Variants in AKAP12 observed in about 807,000 individuals in gnomAD.
AKAP12 encodes A-kinase anchor protein 12.
Under a neutral mutation model 79.9 loss-of-function variants are expected in AKAP12, and 32 were observed. That is an observed-to-expected ratio of 0.40 (90% confidence interval 0.30 to 0.54). AKAP12 has a LOEUF of 0.54. Ranked by LOEUF, AKAP12 falls within the 20% of genes least tolerant of loss-of-function variation. The pLI is 0.48. For missense variants in AKAP12, 2,074 were observed against 2,177.0 expected, an observed-to-expected ratio of 0.95 and a Z score of 0.94; for synonymous variants, 808 against 857.0, an observed-to-expected ratio of 0.94 and a Z score of 1.00.
chr6:151,331,892 A>G (rs1215943781), intron 3 of AKAP12, among the ~76,000 whole-genome samples: 1 of 151,604 alleles, frequency 6.6e-6, no homozygotes, highest in Non-Finnish European at 1.5e-5. Context: ...CTCAAAAAAA[A>G]AAAAAAAAAG....
At chr6:151,266,744 T>C (rs545560719) in intron 2 of AKAP12, among the ~76,000 whole-genome samples, 18 of 152,310 alleles carry the variant, frequency 1.2e-4, no homozygotes, top group Non-Finnish European at 2.1e-4. Flanking sequence ...GAATCATGTA[T>C]GGTACATATA....
chr6:151,259,968 A>G (rs896972556), intron 2 of AKAP12, among the ~76,000 whole-genome samples: 10 of 151,860 alleles, frequency 6.6e-5, no homozygotes, highest in African/African-American at 2.2e-4. Context: ...GGATGAGCCA[A>G]TTTGGGGCAT....
At chr6:151,269,184 A>T (rs1718503434) in intron 2 of AKAP12, among the ~76,000 whole-genome samples, 1 of 151,908 alleles carries the variant, frequency 6.6e-6, no homozygotes, top group African/African-American at 2.4e-5. Flanking sequence ...TAAAATTTTG[A>T]GGCAGGTCTT....
intron 2 of AKAP12, among the ~76,000 whole-genome samples, chr6:151,292,867 G>A (rs964790457): frequency 4.6e-5 from 7 of 152,170 alleles, no homozygotes; most frequent in East Asian, 1.9e-4. Flanking sequence ...CCTCTTGCCC[G>A]TCTCTGCCTT....
intron 2 of AKAP12, among the ~76,000 whole-genome samples, chr6:151,292,916 C>A (rs1185421757): frequency 6.6e-6 from 1 of 152,186 alleles, no homozygotes; most frequent in Middle Eastern, 3.2e-3. Flanking sequence ...AGTGTTTAGC[C>A]ACTACGTATT....
chr6:151,327,938 G>A (rs1777568977), intron 3 of AKAP12, among the ~76,000 whole-genome samples: 1 of 152,174 alleles, frequency 6.6e-6, no homozygotes, highest in Non-Finnish European at 1.5e-5. Context: ...GCTGTCATTT[G>A]GTTTTTGCTC....
chr6:151,298,145 A>G (rs1288672549), intron 2 of AKAP12, among the ~76,000 whole-genome samples: 3 of 152,136 alleles, frequency 2.0e-5, no homozygotes, highest in Admixed American at 6.5e-5. Flanking sequence ...CATGCTTTCT[A>G]TAGTTTAAAA....
chr6:151,302,969 G>A (rs973985157), intron 2 of AKAP12, among the ~76,000 whole-genome samples: 1 of 151,868 alleles, frequency 6.6e-6, no homozygotes, highest in African/African-American at 2.4e-5. Context: ...GCTGAGGCGG[G>A]CGGATCAGCT....
intron 2 of AKAP12, among the ~76,000 whole-genome samples, chr6:151,271,639 C>T (rs1776185624): frequency 6.7e-6 from 1 of 149,246 alleles, no homozygotes; most frequent in Admixed American, 6.7e-5. Flanking sequence ...AACTGAAAAA[C>T]TTTAACATTA....
intron 2 of AKAP12, among the ~76,000 whole-genome samples, chr6:151,248,267 A>ATTTTT (rs112053514): frequency 3.6e-5 from 5 of 140,764 alleles, no homozygotes; most frequent in Admixed American, 2.2e-4. Context: ...GGATTCTGTG[A>ATTTTT]TTTTTTTTTT....
At chr6:151,246,430 A>AAAAAC (rs1328443757) in intron 2 of AKAP12, among the ~76,000 whole-genome samples, 6 of 152,190 alleles carry the variant, frequency 3.9e-5, no homozygotes, top group African/African-American at 1.4e-4. Context: ...AAACAAAAAC[A>AAAAAC]AAAACAAAAA....
Position 151,240,575 on chromosome 6 carries a change from A to G in AKAP12, c.13A>G (p.Ser5Gly), listed in dbSNP as rs748781278. The change falls in exon 2 of 5, where the codon AGC (serine) becomes GGC (glycine). Residue 5 changes from serine (S) to glycine (G), a missense_variant. Physicochemically the swap from Ser to Gly is moderately conservative, Grantham distance 56 (BLOSUM62 0). Transcript: ENST00000402676. MGAG[S>G]STEQRSPEQP... is the part of the protein sequence containing the mutation. ...GTGCGGAGGAGCCATGGGCGCCGGG[A>G]GCTCCACCGAGCAGCGCAGCCCGGA... 15 of 1,443,982 alleles carry G rather than the reference A, an allele frequency of 1.0e-5. No homozygotes were observed. The highest frequency in any genetic ancestry group is 1.3e-5 in the Non-Finnish European group (14 of 1,104,834). The allele number at this position is 1,443,982 out of a possible 1,614,324, so 89.4% of individuals were successfully genotyped here.
At chr6:151,279,877 A>G (rs1776363789) in intron 2 of AKAP12, among the ~76,000 whole-genome samples, 1 of 152,094 alleles carries the variant, frequency 6.6e-6, no homozygotes, top group Non-Finnish European at 1.5e-5. Context: ...AGCAAGTGAA[A>G]TCAAACTTGA....
rs527600021 is a variant in AKAP12, at chr6:151,322,057, C to A, written c.319+16154C>A. Among the ~76,000 whole-genome samples, 3 of 151,866 alleles carry A rather than the reference C, an allele frequency of 2.0e-5. No individual in the cohort carries two copies. In the South Asian group the frequency reaches 6.2e-4, roughly 32 times the overall value. The stretch of plus-strand genomic sequence containing the variant: ...CCTGAGTAGCTGGGATTACAGGCGC[C>A]CGCCACCACGCCCGGCTAATTTTTG... On this transcript the variant is annotated intron_variant, in intron 3 of 4. Transcript: ENST00000402676.
intron 2 of AKAP12, among the ~76,000 whole-genome samples, chr6:151,255,575 G>T (rs1797276214): frequency 1.3e-5 from 2 of 152,020 alleles, no homozygotes; most frequent in African/African-American, 4.8e-5. Context: ...AGGCAGGAGG[G>T]TCACTCAAGC....
intron 2 of AKAP12, among the ~76,000 whole-genome samples, chr6:151,299,651 C>T (rs1776811430): frequency 6.6e-6 from 1 of 152,152 alleles, no homozygotes; most frequent in African/African-American, 2.4e-5. Context: ...CCAGGGACAT[C>T]TTCACACATG....
In AKAP12 at chr6:151,349,025, G is replaced by C. The variant is rs764042507; in HGVS notation, c.634G>C (p.Ala212Pro). The C allele has an allele frequency of 6.2e-7, 1 of 1,613,278 alleles. No individual in the cohort carries two copies. The highest frequency in any genetic ancestry group is 1.1e-5 in the South Asian group (1 of 91,034). The change falls in exon 4 of 5, where the codon GCT becomes CCT. Residue 212 changes from alanine to proline, a missense_variant. Physicochemically the swap from Ala to Pro is conservative, Grantham distance 27. Coordinates refer to ENST00000402676, the MANE Select transcript of AKAP12 (RefSeq NM_005100.4). ...AGATGAAGGGGAGGGAGCAGCAGGG[G>C]CTGGCGACCACAAGGACCCCAGCCT... ...KKDEGEGAAG[A>P]GDHKDPSLGA...
intron 3 of AKAP12, chr6:151,324,811 G>GT: frequency 1.0e-6 from 1 of 985,366 alleles, no homozygotes; most frequent in Non-Finnish European, 1.2e-6. Context: ...TTCGTCACTC[G>GT]TGTCTTTACA....
intron 3 of AKAP12, chr6:151,324,119 C>T (rs1324618284): frequency 2.0e-6 from 2 of 985,234 alleles, no homozygotes; most frequent in South Asian, 4.7e-5. Context: ...TCACACACAC[C>T]AGCCTCATTA....
Sources: allele counts gnomAD v4.1 joint callset (sites outside exome capture counted in the v4.1 genomes callset), GRCh38; gene constraint gnomAD v4.1.1; transcripts MANE v1.5; gene names NCBI Gene and HGNC (gene_info 2026-07-23, HGNC 2026-07-21).